GPM6A: variants seen among roughly 807,000 people sequenced by gnomAD.
The protein encoded by GPM6A is neuronal membrane glycoprotein M6-a.
GPM6A carries 7 observed loss-of-function variants against 32.1 expected under a neutral mutation model. The ratio of observed to expected loss-of-function variants is 0.22; its 90% CI spans 0.12 to 0.41. GPM6A has a LOEUF of 0.41. GPM6A is among the 10% of genes least tolerant of loss of function. GPM6A has a pLI of 1.00. For synonymous variants in GPM6A, 130 were observed against 123.4 expected (o/e 1.05, Z -0.35); for missense variants, 235 against 347.2 (o/e 0.68, Z 2.57).
At chr4:175,936,281 G>C (rs1739224889) in intron 1 of GPM6A, among the ~76,000 whole-genome samples, 2 of 107,856 alleles carry the variant, frequency 1.9e-5, no homozygotes, top group African/African-American at 1.0e-4. Flanking sequence ...ACTCCAGCCT[G>C]GGCGACACAG....
chr4:175,675,841 G>A (rs1256415868), intron 2 of GPM6A, among the ~76,000 whole-genome samples: 2 of 151,854 alleles, frequency 1.3e-5, no homozygotes, highest in African/African-American at 2.4e-5. Flanking sequence ...TTGTAGAGAC[G>A]GGGTTTTGCC....
At position 175,738,602 on chromosome 4, in the gene GPM6A, T is replaced by C. The variant is rs111390705; in HGVS notation, c.38-36835A>G. Reference sequence around the variant, plus strand: ...GAGGGCAGAATGGGGTCAAAATGAATGGGAAAAATAGAGGGCTCAGAAGTG... The same window carrying C: ...GAGGGCAGAATGGGGTCAAAATGAACGGGAAAAATAGAGGGCTCAGAAGTG... On this transcript the variant is annotated intron_variant, in intron 1 of 6. Coordinates refer to ENST00000393658, the MANE Select transcript of GPM6A (RefSeq NM_201591.3). Among the ~76,000 whole-genome samples the C allele has an allele frequency of 6.6e-5, 10 of 151,480 alleles. 1 individual carries two copies. Among genetic ancestry groups the C allele is most frequent in the African/African-American group, 2.4e-4 (10 of 41,272 alleles).
chr4:175,943,453 G>C (rs1490514611), intron 1 of GPM6A, among the ~76,000 whole-genome samples: 3 of 152,138 alleles, frequency 2.0e-5, no homozygotes, highest in Admixed American at 2.0e-4. Context: ...TGCCTGTCTT[G>C]TGCCGGTTTT....
intron 1 of GPM6A, among the ~76,000 whole-genome samples, chr4:175,837,748 T>G (rs181810751): frequency 3.3e-4 from 50 of 152,284 alleles, no homozygotes; most frequent in Admixed American, 6.5e-5. Flanking sequence ...CTGTGACATT[T>G]ATAGGATTTA....
intron 6 of GPM6A, among the ~76,000 whole-genome samples, chr4:175,637,350 A>C (rs868540912): frequency 6.7e-5 from 5 of 75,118 alleles, no homozygotes; most frequent in African/African-American, 3.3e-4. Context: ...ATTATATAAA[A>C]ATATATAATA....
intron 1 of GPM6A, among the ~76,000 whole-genome samples, chr4:175,792,313 A>C (rs1734044089): frequency 6.6e-6 from 1 of 152,214 alleles, no homozygotes; most frequent in African/African-American, 2.4e-5. Context: ...AGCTCACAGC[A>C]TGGGTTATAC....
intron 1 of GPM6A, among the ~76,000 whole-genome samples, chr4:175,933,012 C>T (rs1333430499): frequency 6.6e-6 from 1 of 151,790 alleles, no homozygotes; most frequent in African/African-American, 2.4e-5. Context: ...TGTAAATTGT[C>T]AGTCTATAAA....
At chr4:175,653,214 T>C (rs774034453) in intron 3 of GPM6A, among the ~76,000 whole-genome samples, 2 of 152,124 alleles carry the variant, frequency 1.3e-5, no homozygotes, top group Non-Finnish European at 2.9e-5. Flanking sequence ...AAAGTTATAT[T>C]GCGATTAACA....
chr4:175,931,075 G>A (rs1422516925), intron 1 of GPM6A, among the ~76,000 whole-genome samples: 2 of 152,016 alleles, frequency 1.3e-5, no homozygotes, highest in Non-Finnish European at 2.9e-5. Context: ...TCTCTGTATG[G>A]TAATCATTAT....
At chr4:175,799,730 A>G (rs1734392929) in intron 1 of GPM6A, among the ~76,000 whole-genome samples, 1 of 124,768 alleles carries the variant, frequency 8.0e-6, no homozygotes, top group African/African-American at 2.8e-5. Flanking sequence ...TGCGGACTGC[A>G]GTGGCGCAAT....
intron 1 of GPM6A, among the ~76,000 whole-genome samples, chr4:175,837,330 G>A (rs181309745): frequency 6.6e-6 from 1 of 152,244 alleles, no homozygotes; most frequent in Non-Finnish European, 1.5e-5. Context: ...CTGACCACTG[G>A]AACTGTAAGG....
chr4:175,989,670 A>C (rs918407706), intron 1 of GPM6A, among the ~76,000 whole-genome samples: 1 of 152,206 alleles, frequency 6.6e-6, no homozygotes, highest in Non-Finnish European at 1.5e-5. Context: ...TGATCAGTGT[A>C]ATAGTCCACT....
chr4:175,643,433 C>G (rs1210243339), intron 4 of GPM6A, among the ~76,000 whole-genome samples: 2 of 152,158 alleles, frequency 1.3e-5, no homozygotes, highest in African/African-American at 2.4e-5. Context: ...ATTGACTTCC[C>G]TGTTGTTTCC....
chr4:175,907,844 T>C (rs1047291728), intron 1 of GPM6A, among the ~76,000 whole-genome samples: 17 of 152,188 alleles, frequency 1.1e-4, no homozygotes, highest in African/African-American at 4.1e-4. Context: ...TTCATTTACT[T>C]ATGAAGGCTC....
At chr4:175,696,671 T>C (rs1168194644) in intron 2 of GPM6A, among the ~76,000 whole-genome samples, 1 of 152,204 alleles carries the variant, frequency 6.6e-6, no homozygotes, top group Non-Finnish European at 1.5e-5. Context: ...AGTAGAATTC[T>C]TCAGCAATTA....
At position 175,811,053 on chromosome 4, in the gene GPM6A, C is replaced by CGT. The variant is rs146081744; in HGVS notation, c.37+1136_37+1137dup. Among the ~76,000 whole-genome samples the CGT allele has an allele frequency of 5.3e-3, 800 of 149,944 alleles. 5 individuals are homozygous for CGT. Among genetic ancestry groups the CGT allele is most frequent in the African/African-American group, 0.014 (580 of 41,044 alleles). On this transcript the variant is annotated intron_variant, in intron 1 of 6. Transcript: ENST00000393658. The stretch of plus-strand genomic sequence containing the variant: ...ATTTAATATCGATGGTCCTTTATTA[C>CGT]GTGTGTGTGTGTGTGTGTATGCACC...
chr4:175,770,452 G>T, intron 1 of GPM6A, among the ~76,000 whole-genome samples: 1 of 152,054 alleles, frequency 6.6e-6, no homozygotes. Flanking sequence ...CATATAATTC[G>T]TGTTAGTAAT....
chr4:175,957,443 C>G (rs1446103456), intron 1 of GPM6A, among the ~76,000 whole-genome samples: 2 of 152,130 alleles, frequency 1.3e-5, no homozygotes, highest in Admixed American at 1.3e-4. Flanking sequence ...TACCATCATT[C>G]TCAGCAAACT....
chr4:175,750,025 T>C (rs1732260568), intron 1 of GPM6A, among the ~76,000 whole-genome samples: 1 of 152,162 alleles, frequency 6.6e-6, no homozygotes, highest in African/African-American at 2.4e-5. Flanking sequence ...CTGCATTCTG[T>C]TAAAAATGTC....
Sources: gnomAD v4.1 joint callset for allele counts (sites outside exome capture counted in the v4.1 genomes callset) on GRCh38, gnomAD v4.1.1 for gene constraint, MANE v1.5 for transcripts, NCBI Gene and HGNC (gene_info 2026-07-23, HGNC 2026-07-21) for gene names.